NR3C1: variants seen among roughly 807,000 people sequenced by gnomAD.
NR3C1 encodes the protein glucocorticoid receptor.
NR3C1 carries 14 observed loss-of-function variants against 74.0 expected under a neutral mutation model. The observed-to-expected ratio is 0.19, with a 90% CI of 0.12 to 0.30. The LOEUF (loss-of-function observed/expected upper bound fraction) is 0.30, where lower values mean the gene tolerates loss of function less well. Among genes scored for constraint, NR3C1 ranks in the 10% least tolerant of loss-of-function variants. The pLI is 1.00. For synonymous variants in NR3C1, 308 were observed against 332.5 expected (o/e 0.93, Z 0.80); for missense variants, 695 against 909.8 (o/e 0.76, Z 3.04).
intron 2 of NR3C1, among the ~76,000 whole-genome samples, chr5:143,350,731 A>C (rs1830088063): frequency 6.6e-6 from 1 of 152,208 alleles, no homozygotes. Flanking sequence ...GAAAATGAGA[A>C]GAGGGCCTAG....
Position 143,290,716 on chromosome 5 carries a change from C to T in NR3C1, c.2023+4744G>A, listed in dbSNP as rs186217613. On this transcript the variant is annotated intron_variant, in intron 7 of 8. Transcript: ENST00000394464. ...CCGAGTAGCTAGGATAACAGGCATG[C>T]ACCACCACACCCGGCTTTTTATAGT... Among the ~76,000 whole-genome samples the T allele has an allele frequency of 2.5e-3, 384 of 152,150 alleles. 2 individuals are homozygous for T. The highest frequency in any genetic ancestry group is 4.2e-3 in the Non-Finnish European group (288 of 67,968).
intron 2 of NR3C1, among the ~76,000 whole-genome samples, chr5:143,331,437 T>C (rs769669319): frequency 6.6e-6 from 1 of 152,150 alleles, no homozygotes; most frequent in African/African-American, 2.4e-5. Flanking sequence ...ACTGGGTATA[T>C]ACCCAGAGGA....
At chr5:143,311,724 C>T (rs1481005039) in intron 3 of NR3C1, among the ~76,000 whole-genome samples, 2 of 151,338 alleles carry the variant, frequency 1.3e-5, no homozygotes, top group Non-Finnish European at 2.9e-5. Context: ...TAGCTCTTTG[C>T]AGCCTGAATC....
intron 2 of NR3C1, among the ~76,000 whole-genome samples, chr5:143,390,318 A>G (rs1210399801): frequency 6.6e-6 from 1 of 152,202 alleles, no homozygotes; most frequent in Non-Finnish European, 1.5e-5. Context: ...ATGAGTATAA[A>G]TAACTTCAGT....
Position 143,277,953 on chromosome 5 carries a change from A to G in NR3C1, c.*3936T>C, listed in dbSNP as rs547090292. 6.6e-6 allele frequency: 1 copy of G among 152,314 alleles called. No individual in the cohort carries two copies. The highest frequency in any genetic ancestry group is 1.9e-4 in the East Asian group (1 of 5,190). The allele number at this position is 152,314 out of a possible 1,614,324, so 9.4% of individuals were successfully genotyped here. A position where few individuals can be genotyped will look rare whatever the true frequency, so the allele number is the denominator to read the frequency against. On this transcript the variant is annotated 3_prime_UTR_variant, in exon 9 of 9. Coordinates refer to ENST00000394464, the MANE Select transcript of NR3C1 (RefSeq NM_000176.3). The stretch of plus-strand genomic sequence containing the variant: ...ACATAATGAAAAAGCAGATTTTTTT[A>G]TTATGATGTTTCTCCATATTTGGCA...
chr5:143,414,350 T>C (rs1841411192), intron 1 of NR3C1, among the ~76,000 whole-genome samples: 1 of 152,186 alleles, frequency 6.6e-6, no homozygotes, highest in African/African-American at 2.4e-5. Context: ...CTTGACAAGC[T>C]GAATGTCACG....
chr5:143,425,817 G>A (rs1190832738), intron 1 of NR3C1, among the ~76,000 whole-genome samples: 1 of 152,144 alleles, frequency 6.6e-6, no homozygotes, highest in African/African-American at 2.4e-5. Flanking sequence ...CATATTGGCA[G>A]TTTTCTCAAA....
In NR3C1 at chr5:143,423,998, T is replaced by C. The variant is rs1404069702; in HGVS notation, c.-14+10534A>G. Reference sequence around the variant, plus strand: ...TTAACCGCATATTCTCACTCGTAGGTGGGAATTGAACAATGAGAACACATG... The same window carrying C: ...TTAACCGCATATTCTCACTCGTAGGCGGGAATTGAACAATGAGAACACATG... On this transcript the variant is annotated intron_variant, in intron 1 of 8. Transcript: ENST00000343796. Among the ~76,000 whole-genome samples the C allele has an allele frequency of 5.4e-5, 7 of 129,294 alleles. No individual in the cohort carries two copies. In the South Asian group the frequency reaches 1.5e-3, roughly 27 times the overall value. 84.8% of individuals were successfully genotyped at this position (129,294 alleles called of 152,430 possible). A position where few individuals can be genotyped will look rare whatever the true frequency, so the allele number is the denominator to read the frequency against.
chr5:143,290,596 G>C (rs1431111268), intron 7 of NR3C1, among the ~76,000 whole-genome samples: 8 of 152,060 alleles, frequency 5.3e-5, no homozygotes, highest in Non-Finnish European at 1.2e-4. Context: ...TTGAGACAGT[G>C]TCCCTCTGTC....
At chr5:143,336,945 T>C (rs1166219707) in intron 2 of NR3C1, among the ~76,000 whole-genome samples, 1 of 150,900 alleles carries the variant, frequency 6.6e-6, no homozygotes, top group Non-Finnish European at 1.5e-5. Flanking sequence ...GCCGCTGCAC[T>C]CCAGCCTGGG....
intron 1 of NR3C1, among the ~76,000 whole-genome samples, chr5:143,409,783 G>A (rs768605720): frequency 7.9e-5 from 12 of 152,132 alleles, no homozygotes; most frequent in Non-Finnish European, 1.3e-4. Flanking sequence ...GGTATTCCTC[G>A]TTGTAATTAG....
chr5:143,281,228 A>ATGAT lies in NR3C1; in HGVS notation c.*657_*660dup, dbSNP rs1367898045. 6 of 151,808 alleles carry ATGAT rather than the reference A, an allele frequency of 4.0e-5. No individual in the cohort carries two copies. The highest frequency in any genetic ancestry group is 2.1e-4 in the South Asian group (1 of 4,798). 9.4% of individuals were successfully genotyped at this position (151,808 alleles called of 1,614,324 possible). A position where few individuals can be genotyped will look rare whatever the true frequency, so the allele number is the denominator to read the frequency against. Reference sequence around the variant, plus strand: ...GAAGCACCAACCCATTTTCACACAGATGATTGATTAATGTTTAGAGTTTAT... The same window carrying ATGAT: ...GAAGCACCAACCCATTTTCACACAGATGATTGATTGATTAATGTTTAGAGTTTAT... On this transcript the variant is annotated 3_prime_UTR_variant, in exon 9 of 9. Coordinates refer to ENST00000394464, the MANE Select transcript of NR3C1 (RefSeq NM_000176.3).
At chr5:143,384,569 G>A (rs1836834013) in intron 2 of NR3C1, among the ~76,000 whole-genome samples, 1 of 152,138 alleles carries the variant, frequency 6.6e-6, no homozygotes, top group Non-Finnish European at 1.5e-5. Context: ...AAGACAAAGA[G>A]GCTACAGGCC....
chr5:143,332,987 G>A (rs1826319193), intron 2 of NR3C1: 6 of 1,588,478 alleles, frequency 3.8e-6, no homozygotes, highest in Non-Finnish European at 5.1e-6. Context: ...TCAAGAATAA[G>A]ACCATCCCTC....
Position 143,279,379 on chromosome 5 carries a change from A to C in NR3C1, c.*2510T>G. 6.4e-7 allele frequency: 1 copy of C among 1,551,858 alleles called. No individual in the cohort carries two copies. Among genetic ancestry groups the C allele is most frequent in the Non-Finnish European group, 8.7e-7 (1 of 1,148,606 alleles). On this transcript the variant is annotated 3_prime_UTR_variant, in exon 9 of 9. Coordinates refer to ENST00000394464, the MANE Select transcript of NR3C1 (RefSeq NM_000176.3). ...GGGATGAAAATCAGATTAATGTGTGAGATGTGCTTTCTGGTTTTAACCACA... is the reference window on the plus strand; with the variant it reads ...GGGATGAAAATCAGATTAATGTGTGCGATGTGCTTTCTGGTTTTAACCACA...
In NR3C1 at chr5:143,297,786, G is replaced by GTATC. The variant is rs1435900948; in HGVS notation, c.1892+878_1892+881dup. Among the ~76,000 whole-genome samples the GTATC allele has an allele frequency of 2.6e-5, 4 of 152,354 alleles. No homozygotes were observed. The East Asian group carries it at 5.8e-4, about 22-fold the overall frequency. ...AACTAGGATGTGACTTCTCTGCTGT[G>GTATC]TATCTGGTGATGTGAACACCAAGAG... On this transcript the variant is annotated intron_variant, in intron 6 of 8. Coordinates refer to ENST00000394464, the MANE Select transcript of NR3C1 (RefSeq NM_000176.3).
chr5:143,427,333 G>T (rs1266496511), intron 1 of NR3C1, among the ~76,000 whole-genome samples: 3 of 152,058 alleles, frequency 2.0e-5, no homozygotes, highest in Non-Finnish European at 4.4e-5. Flanking sequence ...GGAATGATTA[G>T]TCATATTGGG....
intron 1 of NR3C1, among the ~76,000 whole-genome samples, chr5:143,411,422 C>A (rs562396535): frequency 1.3e-5 from 2 of 152,326 alleles, no homozygotes; most frequent in Admixed American, 1.3e-4. Context: ...TTAGTTCCAA[C>A]ATCCATTTTT....
chr5:143,298,299 C>T (rs140916859), intron 6 of NR3C1, among the ~76,000 whole-genome samples: 228 of 152,348 alleles, frequency 1.5e-3, no homozygotes, highest in Non-Finnish European at 2.8e-3. Flanking sequence ...TAGATATCCT[C>T]ATCTACAATT....
Sources: gnomAD v4.1 joint callset for allele counts (sites outside exome capture counted in the v4.1 genomes callset) on GRCh38, gnomAD v4.1.1 for gene constraint, MANE v1.5 for transcripts, NCBI Gene and HGNC (gene_info 2026-07-23, HGNC 2026-07-21) for gene names.